Variants in DIDO1 observed in about 807,000 individuals in gnomAD.
The protein encoded by DIDO1 is death-inducer obliterator 1.
A neutral mutation model predicts 99.4 loss-of-function variants in DIDO1; 16 were observed. The observed-to-expected ratio is 0.16, with a 90% CI of 0.11 to 0.24. The LOEUF (loss-of-function observed/expected upper bound fraction) is 0.24, where lower values mean the gene tolerates loss of function less well. Ranked by LOEUF, DIDO1 falls within the 10% of genes least tolerant of loss-of-function variation. The pLI is 1.00. For synonymous variants in DIDO1, 1,366 were observed against 1,239.1 expected, an observed-to-expected ratio of 1.10 and a Z score of -2.15; for missense variants, 2,996 against 3,014.0, an observed-to-expected ratio of 0.99 and a Z score of 0.14.
chr20:62,894,087 G>A lies in DIDO1; in HGVS notation c.2680C>T (p.Pro894Ser), dbSNP rs2064461015. 1 of 1,614,202 alleles carries A rather than the reference G, an allele frequency of 6.2e-7. No individual in the cohort carries two copies. Among genetic ancestry groups the A allele is most frequent in the Non-Finnish European group, 8.5e-7 (1 of 1,180,030 alleles). Residue 894 changes from proline to serine, a missense_variant, in exon 12 of 16, where the codon CCA becomes TCA. Pro to Ser is a moderately conservative substitution (Grantham distance 74). This residue lies in a region of DIDO1 where 898 missense variants were observed against 972.7 expected (regional missense o/e 0.92). Coordinates refer to ENST00000395343, the MANE Select transcript of DIDO1 (RefSeq NM_001193369.2). The surrounding 1 kb of genome is among the most constrained non-coding windows in gnomAD (Gnocchi z 4.4). ...ACCTCATCAGCTGAATCCGGAGCTGGGTCAGGTGCAGAGCTGTCATGCTTT... is the reference window on the plus strand; with the variant it reads ...ACCTCATCAGCTGAATCCGGAGCTGAGTCAGGTGCAGAGCTGTCATGCTTT... ...KSKHDSSAPD[P>S]APDSADEVMP...
At chr20:62,889,888 A>G (rs753655280) in intron 15 of DIDO1, 72 of 985,356 alleles carry the variant, frequency 7.3e-5, no homozygotes, top group Non-Finnish European at 8.7e-5. Flanking sequence ...CTTTATGGAC[A>G]TATAATTCCA....
upstream of DIDO1, among the ~76,000 whole-genome samples, chr20:62,927,064 T>C (rs1050050125): frequency 7.0e-6 from 1 of 142,052 alleles, no homozygotes; most frequent in Non-Finnish European, 1.5e-5. Context: ...AGACCCTACC[T>C]GCTGCCTCCC....
At position 62,911,743 on chromosome 20, in the gene DIDO1, G is replaced by T; in HGVS notation, c.-2-129C>A. On this transcript the variant is annotated intron_variant, in intron 2 of 15. Coordinates refer to ENST00000395343, the MANE Select transcript of DIDO1 (RefSeq NM_001193369.2). This position sits in a 1 kb window ranked among gnomAD's most constrained non-coding sequence, Gnocchi z 7.0. ...AGCTCTACATAAAGCAAGTCCTTCTGACCAGTGTTTCCTAATGTGTGCTAT... is the reference window on the plus strand; with the variant it reads ...AGCTCTACATAAAGCAAGTCCTTCTTACCAGTGTTTCCTAATGTGTGCTAT... 1.3e-6 allele frequency: 1 copy of T among 748,432 alleles called. No individual in the cohort carries two copies. The highest frequency in any genetic ancestry group is 2.1e-6 in the Non-Finnish European group (1 of 482,260). 46.4% of individuals were successfully genotyped at this position (748,432 alleles called of 1,614,324 possible). A position where few individuals can be genotyped will look rare whatever the true frequency, so the allele number is the denominator to read the frequency against.
chr20:62,919,517 G>A (rs1186293315), intron 1 of DIDO1, among the ~76,000 whole-genome samples: 1 of 151,794 alleles, frequency 6.6e-6, no homozygotes, highest in Non-Finnish European at 1.5e-5. Flanking sequence ...TCCAGCCTGG[G>A]CAACAAGAGC....
chr20:62,910,677 C>T (rs1025149908), intron 3 of DIDO1, 97 bp downstream of exon 3: 10 of 1,368,084 alleles, frequency 7.3e-6, no homozygotes, highest in Non-Finnish European at 1.0e-5. Context: ...CAACAAATCG[C>T]TCATCCAGCC....
intron 15 of DIDO1, chr20:62,889,871 C>G (rs1192823924): frequency 1.0e-6 from 1 of 985,374 alleles, no homozygotes; most frequent in Admixed American, 6.1e-5. Context: ...CTGATACCAA[C>G]CAATCCCTTT....
In DIDO1 at chr20:62,890,951, G is replaced by A. The variant is rs375192467; in HGVS notation, c.3541+9C>T. On this transcript the variant is annotated intron_variant, in intron 15 of 15. Coordinates refer to ENST00000395343, the MANE Select transcript of DIDO1 (RefSeq NM_001193369.2). ...GGGCCTCACCTCCACCCAGAAAGCCGGCGCTTACCTGGTCCCTCAAAGGGC... is the reference window on the plus strand; with the variant it reads ...GGGCCTCACCTCCACCCAGAAAGCCAGCGCTTACCTGGTCCCTCAAAGGGC... 11 of 1,613,468 alleles carry A rather than the reference G, an allele frequency of 6.8e-6. No homozygotes were observed. Among genetic ancestry groups the A allele is most frequent in the Middle Eastern group, 1.8e-4 (1 of 5,530 alleles).
intron 8 of DIDO1, among the ~76,000 whole-genome samples, chr20:62,895,564 C>T (rs1479260527): frequency 6.6e-6 from 1 of 152,242 alleles, no homozygotes; most frequent in Non-Finnish European, 1.5e-5. Context: ...GAAATCATTT[C>T]TGTTTAGGGC....
At chr20:62,893,593 T>C in intron 12 of DIDO1, 73 bp downstream of exon 12, 2 of 1,464,210 alleles carry the variant, frequency 1.4e-6, no homozygotes, top group Admixed American at 2.3e-5. Flanking sequence ...AACTATTTAA[T>C]CACCAGTTAT....
chr20:62,909,643 G>C (rs2064884151), intron 4 of DIDO1, 56 bp downstream of exon 4: 2 of 1,588,362 alleles, frequency 1.3e-6, no homozygotes, highest in Non-Finnish European at 8.6e-7. Flanking sequence ...TCTAGAGCGA[G>C]ACTGAAACCA....
chr20:62,904,317 C>T (rs1261304819), intron 6 of DIDO1, among the ~76,000 whole-genome samples: 1 of 152,134 alleles, frequency 6.6e-6, no homozygotes, highest in Non-Finnish European at 1.5e-5. Context: ...GAGACATTTG[C>T]TAGCATAAAA....
At position 62,882,254 on chromosome 20, in the gene DIDO1, G is replaced by T; in HGVS notation, c.3702C>A (p.Val1234=). The T allele has an allele frequency of 6.2e-7, 1 of 1,614,008 alleles. No individual in the cohort carries two copies. ...TGGAGGGCTTCTTTTCCGACTGCGG[G>T]ACTGTGGCTACTTTTGGATAGGCCG... The part of the protein sequence containing the change: ...DVPAYPKVAT[V]PQSEKKPSKY... Residue 1234 remains valine (V), a synonymous_variant, in exon 16 of 16, where the codon GTC becomes GTA. Transcript: ENST00000395343.
intron 15 of DIDO1, chr20:62,888,371 CG>C (rs1204987366): frequency 4.1e-6 from 4 of 985,430 alleles, no homozygotes; most frequent in Admixed American, 6.1e-5. Context: ...CTGATGCAGA[CG>C]GGCAGCTCAA....
intron 6 of DIDO1, among the ~76,000 whole-genome samples, chr20:62,903,509 G>A (rs1487400785): frequency 6.6e-6 from 1 of 152,184 alleles, no homozygotes; most frequent in African/African-American, 2.4e-5. Flanking sequence ...GGGAGGCAGG[G>A]CAGGGGCCTC....
In DIDO1 at chr20:62,911,624, A is replaced by G; in HGVS notation, c.-2-10T>C. ...CCTTTGTCGTCCATACCTAGCGGTA[A>G]AGTGTAAGCACATAGTGACCAACTG... On this transcript the variant is annotated splice_polypyrimidine_tract_variant and intron_variant, in intron 2 of 15. Transcript: ENST00000395343. The surrounding 1 kb of genome is among the most constrained non-coding windows in gnomAD (Gnocchi z 7.0). The G allele has an allele frequency of 6.5e-7, 1 of 1,545,422 alleles. No homozygotes were observed. The highest frequency in any genetic ancestry group is 1.3e-5 in the South Asian group (1 of 79,948).
At chr20:62,917,968 G>A (rs1490182094) in intron 1 of DIDO1, among the ~76,000 whole-genome samples, 1 of 152,176 alleles carries the variant, frequency 6.6e-6, no homozygotes, top group African/African-American at 2.4e-5. Context: ...GTGGCAACAT[G>A]CCATTTCTAC....
chr20:62,909,579 C>T (rs769279567), intron 4 of DIDO1, 120 bp downstream of exon 4: 99 of 1,232,546 alleles, frequency 8.0e-5, no homozygotes, highest in Admixed American at 1.3e-4. Flanking sequence ...GGCAGGAACC[C>T]GGGAGAGGCA....
chr20:62,926,622 T>G (rs1029329667), upstream of DIDO1: 1 of 151,964 alleles, frequency 6.6e-6, no homozygotes, highest in African/African-American at 2.4e-5. Flanking sequence ...ACTGCGCGCA[T>G]GCGCCCGTCT....
intron 1 of DIDO1, among the ~76,000 whole-genome samples, chr20:62,919,231 TACC>T (rs2065091817): frequency 6.6e-6 from 1 of 152,200 alleles, no homozygotes; most frequent in Admixed American, 6.5e-5. Context: ...TTTTGCTGCT[TACC>T]AAATAATACC....
Sources: gnomAD v4.1 joint callset for allele counts (sites outside exome capture counted in the v4.1 genomes callset) on GRCh38, gnomAD v4.1.1 for gene constraint, gnomAD v4.1.1 regional missense constraint, Gnocchi (gnomAD v3.1) non-coding constraint, MANE v1.5 for transcripts, NCBI Gene and HGNC (gene_info 2026-07-23, HGNC 2026-07-21) for gene names.